Variants in TMEM108 observed in about 807,000 individuals in gnomAD.
TMEM108 encodes the protein cancer/testis antigen 124.
Under a neutral mutation model 35.1 loss-of-function variants are expected in TMEM108, and 12 were observed. The ratio of observed to expected loss-of-function variants is 0.34; its 90% CI spans 0.22 to 0.55. The LOEUF (loss-of-function observed/expected upper bound fraction) is 0.55. Ranked by LOEUF, TMEM108 falls within the 20% of genes least tolerant of loss-of-function variation. The pLI is 0.89. For missense variants in TMEM108, 680 were observed against 753.3 expected (o/e 0.90, Z 1.14); for synonymous variants, 287 against 308.6 (o/e 0.93, Z 0.73).
At chr3:133,378,261 C>T in intron 3 of TMEM108, 1 of 862,770 alleles carries the variant, frequency 1.2e-6, no homozygotes. Flanking sequence ...GCCCAGGCTC[C>T]ACCACACACC....
At chr3:133,212,392 T>G (rs1243541618) in intron 2 of TMEM108, among the ~76,000 whole-genome samples, 1 of 152,172 alleles carries the variant, frequency 6.6e-6, no homozygotes, top group Non-Finnish European at 1.5e-5. Context: ...AAAAAACCAC[T>G]ATTCCCATTT....
intron 2 of TMEM108, 114 bp from the exon 3 acceptor site, chr3:133,229,152 T>C: frequency 1.6e-6 from 1 of 615,500 alleles, no homozygotes; most frequent in Non-Finnish European, 2.8e-6. Flanking sequence ...AGATTTTTTC[T>C]CTTTGAAATT....
intron 3 of TMEM108, among the ~76,000 whole-genome samples, chr3:133,311,072 G>C (rs2071122463): frequency 6.6e-6 from 1 of 152,194 alleles, no homozygotes; most frequent in Non-Finnish European, 1.5e-5. Context: ...CTGGCTTGTA[G>C]GGCTTCTGCT....
chr3:133,378,803 C>CTTTTTTTT (rs34139600), intron 3 of TMEM108, among the ~76,000 whole-genome samples: 1 of 134,424 alleles, frequency 7.4e-6, no homozygotes, highest in Non-Finnish European at 1.6e-5. Flanking sequence ...ATACAAAATC[C>CTTTTTTTT]TTTTTTTTTT....
At chr3:133,355,180 C>T (rs1208765505) in intron 3 of TMEM108, among the ~76,000 whole-genome samples, 1 of 152,010 alleles carries the variant, frequency 6.6e-6, no homozygotes, top group Non-Finnish European at 1.5e-5. Context: ...AAAAATGATA[C>T]AACATGCTGC....
At chr3:133,249,853 G>T (rs1388639976) in intron 3 of TMEM108, among the ~76,000 whole-genome samples, 1 of 152,050 alleles carries the variant, frequency 6.6e-6, no homozygotes, top group African/African-American at 2.4e-5. Flanking sequence ...TAAATTATTT[G>T]AGTAATATGG....
rs1945818842 is a variant in TMEM108, at chr3:133,210,414, A to G, written c.-46-18852A>G. Among the ~76,000 whole-genome samples, 2 of 152,164 alleles carry G rather than the reference A, an allele frequency of 1.3e-5. 1 individual carries two copies. The highest frequency in any genetic ancestry group is 4.1e-4 in the South Asian group (2 of 4,830). On this transcript the variant is annotated intron_variant, in intron 2 of 5. Coordinates refer to ENST00000321871, the MANE Select transcript of TMEM108 (RefSeq NM_023943.4). ...CTAGATTAGGTTTTTGGATTCCAAG[A>G]CTTGCTGATCATAATAGCCATATTG...
At chr3:133,161,489 A>C (rs996204885) in intron 2 of TMEM108, among the ~76,000 whole-genome samples, 7 of 152,166 alleles carry the variant, frequency 4.6e-5, no homozygotes, top group African/African-American at 1.7e-4. Context: ...GGAACATAGT[A>C]GATAGGTGTT....
intron 2 of TMEM108, among the ~76,000 whole-genome samples, chr3:133,205,962 A>G (rs1027667595): frequency 3.3e-5 from 5 of 152,202 alleles, no homozygotes; most frequent in African/African-American, 1.2e-4. Context: ...GTGTTTTCAC[A>G]TAGTCCCATA....
chr3:133,226,339 T>C (rs542161267), intron 2 of TMEM108, among the ~76,000 whole-genome samples: 2 of 152,338 alleles, frequency 1.3e-5, no homozygotes, highest in South Asian at 2.1e-4. Flanking sequence ...GGGAATTCTC[T>C]GCAGTATGTA....
At chr3:133,186,950 TGTCA>T (rs1401305129) in intron 2 of TMEM108, among the ~76,000 whole-genome samples, 1 of 152,190 alleles carries the variant, frequency 6.6e-6, no homozygotes, top group African/African-American at 2.4e-5. Flanking sequence ...TCTGGTTTTC[TGTCA>T]GTCAGAAAAC....
At chr3:133,355,822 A>G (rs188970317) in intron 3 of TMEM108, among the ~76,000 whole-genome samples, 31 of 152,340 alleles carry the variant, frequency 2.0e-4, no homozygotes, top group Admixed American at 1.0e-3. Context: ...TTCAATAAGG[A>G]TAGAATAAAG....
At chr3:133,155,889 G>C (rs998777974) in intron 2 of TMEM108, among the ~76,000 whole-genome samples, 7 of 151,624 alleles carry the variant, frequency 4.6e-5, no homozygotes, top group African/African-American at 1.7e-4. Flanking sequence ...ATTGCTTTTG[G>C]CATTTTTGTT....
At chr3:133,374,062 G>A (rs78038482) in intron 3 of TMEM108, among the ~76,000 whole-genome samples, 1 of 152,372 alleles carries the variant, frequency 6.6e-6, no homozygotes, top group East Asian at 1.9e-4. Flanking sequence ...GGGAACTGGA[G>A]TTCTTACGGG....
intron 2 of TMEM108, among the ~76,000 whole-genome samples, chr3:133,062,255 T>C (rs1943546012): frequency 6.6e-6 from 1 of 152,268 alleles, no homozygotes; most frequent in South Asian, 2.1e-4. Flanking sequence ...ACCCAATGGA[T>C]AAACAATAGC....
At chr3:133,134,339 A>C (rs1014349471) in intron 2 of TMEM108, among the ~76,000 whole-genome samples, 1 of 152,066 alleles carries the variant, frequency 6.6e-6, no homozygotes, top group Non-Finnish European at 1.5e-5. Context: ...ATGCTATTTA[A>C]ATCTTTTTAC....
intron 2 of TMEM108, among the ~76,000 whole-genome samples, chr3:133,054,718 A>G (rs1943445579): frequency 6.6e-6 from 1 of 152,092 alleles, no homozygotes; most frequent in South Asian, 2.1e-4. Context: ...TTTATTTATG[A>G]CTCTGTGTCA....
At chr3:133,358,820 A>G (rs950984582) in intron 3 of TMEM108, among the ~76,000 whole-genome samples, 2 of 151,870 alleles carry the variant, frequency 1.3e-5, no homozygotes, top group African/African-American at 4.8e-5. Flanking sequence ...CCTCTTCTAA[A>G]CTTTGTGGTG....
chr3:133,113,186 C>T (rs1944246749), intron 2 of TMEM108, among the ~76,000 whole-genome samples: 1 of 151,956 alleles, frequency 6.6e-6, no homozygotes, highest in African/African-American at 2.4e-5. Context: ...ATGGGTGGCT[C>T]ATAACACTCA....
Sources: allele counts gnomAD v4.1 joint callset (sites outside exome capture counted in the v4.1 genomes callset), GRCh38; gene constraint gnomAD v4.1.1; transcripts MANE v1.5; gene names NCBI Gene and HGNC (gene_info 2026-07-23, HGNC 2026-07-21).